SYNE3: variants seen among roughly 807,000 people sequenced by gnomAD.
The protein encoded by SYNE3 is nesprin-3.
A neutral mutation model predicts 111.2 loss-of-function variants in SYNE3; 100 were observed. The ratio of observed to expected loss-of-function variants is 0.90; its 90% CI spans 0.77 to 1.06. The LOEUF (loss-of-function observed/expected upper bound fraction) is 1.06. Among genes scored for constraint, SYNE3 ranks in the 50% least tolerant of loss-of-function variants. The pLI, the probability that SYNE3 is intolerant of heterozygous loss-of-function variation, is 0.00. For synonymous variants in SYNE3, 547 were observed against 533.9 expected (o/e 1.02, Z -0.34); for missense variants, 1,160 against 1,240.3 (o/e 0.94, Z 0.97).
chr14:95,508,770 C>T (rs547365176), intron 1 of SYNE3, among the ~76,000 whole-genome samples: 2 of 152,356 alleles, frequency 1.3e-5, no homozygotes, highest in South Asian at 4.1e-4. Flanking sequence ...GGGCCAACCC[C>T]CAGAGAACCC....
At chr14:95,504,287 T>C (rs1467967358) in intron 1 of SYNE3, among the ~76,000 whole-genome samples, 2 of 132,744 alleles carry the variant, frequency 1.5e-5, no homozygotes, top group African/African-American at 5.7e-5. Context: ...CACAAAAGTT[T>C]GTTCTAGAAG....
At chr14:95,465,829 G>T in intron 4 of SYNE3, 102 bp downstream of exon 4, 1 of 1,254,276 alleles carries the variant, frequency 8.0e-7, no homozygotes, top group Non-Finnish European at 1.1e-6. Flanking sequence ...TTGATAGTAG[G>T]TAAATAGCTT....
chr14:95,454,448 CT>C (rs1887286082), intron 6 of SYNE3, among the ~76,000 whole-genome samples: 1 of 152,242 alleles, frequency 6.6e-6, no homozygotes, highest in Admixed American at 6.5e-5. Flanking sequence ...AGGGGAGAAA[CT>C]AGGACTTAAA....
intron 17 of SYNE3, among the ~76,000 whole-genome samples, chr14:95,431,199 GC>G (rs1336415337): frequency 6.6e-6 from 1 of 152,184 alleles, no homozygotes; most frequent in Non-Finnish European, 1.5e-5. Context: ...TTTACACTTG[GC>G]TTTTCCAGAA....
In SYNE3 at chr14:95,433,362, G is replaced by C. The variant is rs1299325598; in HGVS notation, c.2586C>G (p.Leu862=). The C allele has an allele frequency of 8.7e-6, 14 of 1,614,154 alleles. No individual in the cohort carries two copies. The highest frequency in any genetic ancestry group is 1.0e-5 in the Non-Finnish European group (12 of 1,180,024). Residue 862 remains leucine, a synonymous_variant, in exon 16 of 18, where the codon CTC becomes CTG. Coordinates refer to ENST00000682763, the MANE Select transcript of SYNE3 (RefSeq NM_152592.6). ...TCCCCCTTGCTGGCCCGAGACGAAG[G>C]AGGTTCTCAAAGAGATGCTGACCTT... The part of the protein sequence containing the change: ...VPEGQHLFEN[L]LRLGPARGTS...
At chr14:95,443,394 AT>A in intron 10 of SYNE3, 105 bp from the exon 11 acceptor site, 1 of 1,442,224 alleles carries the variant, frequency 6.9e-7, no homozygotes, top group Non-Finnish European at 9.3e-7. Flanking sequence ...GGAGGGGTGA[AT>A]TCCCCAAGGC....
intron 13 of SYNE3, among the ~76,000 whole-genome samples, 188 bp downstream of exon 13, chr14:95,439,424 C>T (rs12879289): frequency 0.023 from 3,479 of 152,320 alleles, 49 homozygotes; most frequent in Non-Finnish European, 0.038. Context: ...ACTCCCAAGA[C>T]GGGGACATTT....
At chr14:95,473,088 C>T (rs142822139) in intron 2 of SYNE3, among the ~76,000 whole-genome samples, 295 of 152,282 alleles carry the variant, frequency 1.9e-3, no homozygotes, top group Non-Finnish European at 3.3e-3. Flanking sequence ...AACAGGAAAA[C>T]GTTTTCTTTC....
Position 95,416,492 on chromosome 14 carries a change from A to C in SYNE3, c.*1334T>G, listed in dbSNP as rs1430974122. The C allele has an allele frequency of 1.3e-5, 2 of 152,244 alleles. No individual in the cohort carries two copies. Among genetic ancestry groups the C allele is most frequent in the Non-Finnish European group, 2.9e-5 (2 of 68,038 alleles). The allele number at this position is 152,244 out of a possible 1,614,324, so 9.4% of individuals were successfully genotyped here. A position where few individuals can be genotyped will look rare whatever the true frequency, so the allele number is the denominator to read the frequency against. The stretch of plus-strand genomic sequence containing the variant: ...GAAAAACATGATCCAGTTGTAGAGC[A>C]CTTAGGAACCATCCCAGAGTTCCCT... On this transcript the variant is annotated 3_prime_UTR_variant, in exon 18 of 18. Coordinates refer to ENST00000682763, the MANE Select transcript of SYNE3 (RefSeq NM_152592.6).
chr14:95,480,354 C>T (rs946306323), intron 1 of SYNE3, among the ~76,000 whole-genome samples: 8 of 152,112 alleles, frequency 5.3e-5, no homozygotes, highest in East Asian at 3.9e-4. Context: ...TGGGTTTCAG[C>T]GTCCATGTGG....
chr14:95,436,729 G>T, intron 15 of SYNE3, 91 bp downstream of exon 15: 1 of 1,428,816 alleles, frequency 7.0e-7, no homozygotes, highest in Non-Finnish European at 9.6e-7. Flanking sequence ...ACAAACTGTG[G>T]GTGTGTTCCT....
chr14:95,455,368 C>G lies in SYNE3; in HGVS notation c.1137+9G>C. On this transcript the variant is annotated intron_variant, in intron 6 of 17. Transcript: ENST00000682763. The stretch of plus-strand genomic sequence containing the variant: ...CCCTGGGCTCCATGACTCGGCCAAG[C>G]ACGCTTACCGAGTAGCGTCTCCAGT... 6 of 1,520,752 alleles carry G rather than the reference C, an allele frequency of 3.9e-6. No individual in the cohort carries two copies. Among genetic ancestry groups the G allele is most frequent in the Non-Finnish European group, 5.3e-6 (6 of 1,135,168 alleles). The allele number at this position is 1,520,752 out of a possible 1,614,324, so 94.2% of individuals were successfully genotyped here.
Position 95,445,988 on chromosome 14 carries a change from A to G in SYNE3, c.1553T>C (p.Leu518Pro), listed in dbSNP as rs770697351. 4 of 1,614,024 alleles carry G rather than the reference A, an allele frequency of 2.5e-6. No homozygotes were observed. The African/African-American group carries it at 5.3e-5, about 22-fold the overall frequency. The change falls in exon 9 of 18, where the codon CTC becomes CCC. Residue 518 changes from leucine to proline, a missense_variant. Coordinates refer to ENST00000682763, the MANE Select transcript of SYNE3 (RefSeq NM_152592.6). ...CATGGAACCTGCCACCTGCTCCAGG[A>G]GTGCCGTGGCTCTCTCCTGGCCAAA... Reference protein sequence around the residue: ...GIFGQERATALLEQVAGSMRD... With the variant: ...GIFGQERATAPLEQVAGSMRD...
chr14:95,481,965 G>T (rs1390142007), intron 1 of SYNE3, among the ~76,000 whole-genome samples: 1 of 152,216 alleles, frequency 6.6e-6, no homozygotes, highest in Admixed American at 6.5e-5. Context: ...GTGTCCTGGG[G>T]TCGCTGGGTC....
intron 17 of SYNE3, among the ~76,000 whole-genome samples, chr14:95,422,888 T>G (rs57592470): frequency 0.02 from 2,984 of 152,330 alleles, 87 homozygotes; most frequent in East Asian, 0.11. Context: ...CCAGGACCAC[T>G]GTCTTGCTCT....
At chr14:95,431,755 G>A (rs1194669822) in intron 17 of SYNE3, among the ~76,000 whole-genome samples, 2 of 152,342 alleles carry the variant, frequency 1.3e-5, no homozygotes, top group East Asian at 1.9e-4. Flanking sequence ...TGCTGTCACA[G>A]CATAATCATT....
intron 1 of SYNE3, among the ~76,000 whole-genome samples, chr14:95,505,930 T>C (rs75564461): frequency 0.099 from 15,113 of 152,186 alleles, 932 homozygotes; most frequent in Non-Finnish European, 0.13. Flanking sequence ...TCCCTGTGCA[T>C]CAGGATCACC....
Position 95,452,345 on chromosome 14 carries a change from C to T in SYNE3, c.1176G>A (p.Val392=). 2 of 1,613,556 alleles carry T rather than the reference C, an allele frequency of 1.2e-6. No individual in the cohort carries two copies. Among genetic ancestry groups the T allele is most frequent in the Non-Finnish European group, 1.7e-6 (2 of 1,179,896 alleles). The part of the protein sequence containing the change: ...RAALASEEPR[V]DRLQAQLKEL... ...CCTTCAGCTGGGCTTGCAGCCGGTC[C>T]ACCCGGGGCTCCTCCGAGGCCAGCG... The change falls in exon 7 of 18, where the codon GTG becomes GTA. Residue 392 remains valine (V), a synonymous_variant. Coordinates refer to ENST00000682763, the MANE Select transcript of SYNE3 (RefSeq NM_152592.6).
intron 2 of SYNE3, among the ~76,000 whole-genome samples, chr14:95,468,422 C>T (rs966272694): frequency 6.6e-5 from 10 of 152,176 alleles, no homozygotes; most frequent in African/African-American, 2.4e-4. Context: ...CTGGCCCAAC[C>T]CAGGGCCCAG....
Sources: gnomAD v4.1 joint callset for allele counts (sites outside exome capture counted in the v4.1 genomes callset) on GRCh38, gnomAD v4.1.1 for gene constraint, MANE v1.5 for transcripts, NCBI Gene and HGNC (gene_info 2026-07-23, HGNC 2026-07-21) for gene names.